Variants in GPC5 observed in about 807,000 individuals in gnomAD.
GPC5 encodes the protein glypican-5.
GPC5 carries 47 observed loss-of-function variants against 53.9 expected under a neutral mutation model. The observed-to-expected ratio is 0.87, with a 90% CI of 0.69 to 1.11. The LOEUF is 1.11. Among genes scored for constraint, GPC5 ranks in the 50% most tolerant of loss-of-function variants. The pLI, the probability that GPC5 is intolerant of heterozygous loss-of-function variation, is 0.00. For missense variants in GPC5, 748 were observed against 713.1 expected (o/e 1.05, Z -0.56); for synonymous variants, 286 against 263.3 (o/e 1.09, Z -0.84).
intron 6 of GPC5, among the ~76,000 whole-genome samples, chr13:91,913,928 G>C (rs544215248): frequency 6.6e-6 from 1 of 152,166 alleles, no homozygotes; most frequent in Non-Finnish European, 1.5e-5. Context: ...AGATGTTTGC[G>C]TCAGACTCAA....
chr13:92,082,917 G>A (rs569371669), intron 6 of GPC5, among the ~76,000 whole-genome samples: 2 of 152,068 alleles, frequency 1.3e-5, no homozygotes, highest in South Asian at 2.1e-4. Flanking sequence ...TGTCTACCTG[G>A]GATCATGAAA....
intron 6 of GPC5, among the ~76,000 whole-genome samples, chr13:92,016,317 T>C (rs2040706675): frequency 6.6e-6 from 1 of 152,242 alleles, no homozygotes; most frequent in African/African-American, 2.4e-5. Flanking sequence ...TACATTGTTT[T>C]ATGAAATGGG....
chr13:92,163,088 G>C (rs2042001997), intron 7 of GPC5, among the ~76,000 whole-genome samples: 1 of 152,126 alleles, frequency 6.6e-6, no homozygotes, highest in Non-Finnish European at 1.5e-5. Context: ...ATATGAATGA[G>C]TGAAGGAAAG....
intron 2 of GPC5, among the ~76,000 whole-genome samples, chr13:91,542,286 C>G (rs1038836849): frequency 6.6e-6 from 1 of 152,088 alleles, no homozygotes; most frequent in Non-Finnish European, 1.5e-5. Context: ...CTTCTCCTAT[C>G]TCACAAAGAA....
intron 6 of GPC5, among the ~76,000 whole-genome samples, chr13:92,110,189 A>C (rs2041546020): frequency 6.6e-6 from 1 of 152,166 alleles, no homozygotes; most frequent in East Asian, 1.9e-4. Flanking sequence ...TCTATCTTAC[A>C]TTCAGCACAC....
At chr13:92,488,329 G>A (rs960543837) in intron 7 of GPC5, among the ~76,000 whole-genome samples, 2 of 152,098 alleles carry the variant, frequency 1.3e-5, no homozygotes, top group African/African-American at 2.4e-5. Flanking sequence ...TCACTTTTCC[G>A]TGATGGAATG....
chr13:92,093,696 A>G (rs542267668), intron 6 of GPC5, among the ~76,000 whole-genome samples: 1 of 152,224 alleles, frequency 6.6e-6, no homozygotes, highest in Non-Finnish European at 1.5e-5. Flanking sequence ...GTTAATTCAG[A>G]TGAAACACAA....
chr13:92,558,901 C>T (rs1303473568), intron 7 of GPC5, among the ~76,000 whole-genome samples: 1 of 152,000 alleles, frequency 6.6e-6, no homozygotes, highest in East Asian at 1.9e-4. Flanking sequence ...GCTGTGAAGT[C>T]AGCATGGCGG....
chr13:91,941,649 C>G (rs79225429), intron 6 of GPC5, among the ~76,000 whole-genome samples: 3,214 of 152,130 alleles, frequency 0.021, 104 homozygotes, highest in African/African-American at 0.073. Flanking sequence ...TCAATTTGTG[C>G]AGAGGGATCA....
chr13:92,228,232 G>A (rs181703932), intron 7 of GPC5, among the ~76,000 whole-genome samples: 168 of 151,694 alleles, frequency 1.1e-3, no homozygotes, highest in African/African-American at 3.9e-3. Flanking sequence ...CAATGAACCC[G>A]TGTTGTTCAC....
chr13:92,779,984 A>G (rs1875959707), intron 7 of GPC5, among the ~76,000 whole-genome samples: 1 of 152,084 alleles, frequency 6.6e-6, no homozygotes, highest in Admixed American at 6.6e-5. Context: ...GAAAGTTAAG[A>G]CTGTGAACAG....
At chr13:92,277,483 T>G (rs1359429338) in intron 7 of GPC5, among the ~76,000 whole-genome samples, 1 of 152,078 alleles carries the variant, frequency 6.6e-6, no homozygotes, top group Non-Finnish European at 1.5e-5. Context: ...TGGAAGGTAA[T>G]ATTATACATC....
chr13:91,442,061 A>G (rs1235655836), intron 1 of GPC5, among the ~76,000 whole-genome samples: 1 of 152,236 alleles, frequency 6.6e-6, no homozygotes, highest in East Asian at 1.9e-4. Flanking sequence ...GTGTGTTATC[A>G]ACCAGCAATC....
intron 2 of GPC5, among the ~76,000 whole-genome samples, chr13:91,659,709 T>C (rs755782520): frequency 6.6e-6 from 1 of 152,188 alleles, no homozygotes; most frequent in South Asian, 2.1e-4. Flanking sequence ...AAGACTTAGG[T>C]AGTACTATAT....
At chr13:91,591,168 T>A (rs2032783201) in intron 2 of GPC5, among the ~76,000 whole-genome samples, 1 of 152,210 alleles carries the variant, frequency 6.6e-6, no homozygotes, top group Non-Finnish European at 1.5e-5. Context: ...ATTCTTCTAT[T>A]GCATCTAAGT....
chr13:91,981,585 G>A (rs1271182102), intron 6 of GPC5, among the ~76,000 whole-genome samples: 5 of 152,278 alleles, frequency 3.3e-5, no homozygotes, highest in East Asian at 3.9e-4. Flanking sequence ...CACCGCGCCC[G>A]ACCGTAAGAG....
At chr13:92,461,449 A>G (rs1297423099) in intron 7 of GPC5, among the ~76,000 whole-genome samples, 1 of 152,180 alleles carries the variant, frequency 6.6e-6, no homozygotes, top group Non-Finnish European at 1.5e-5. Context: ...ACAAATCAGG[A>G]AAAAGTAATA....
chr13:92,685,087 C>CTATTTATTTACT (rs111456519), intron 7 of GPC5, among the ~76,000 whole-genome samples: 1 of 150,520 alleles, frequency 6.6e-6, no homozygotes, highest in African/African-American at 2.4e-5. Context: ...TCCAGTAGTT[C>CTATTTATTTACT]TATTTATTTA....
At position 92,810,972 on chromosome 13, in the gene GPC5, G is replaced by A. The variant is rs544657771; in HGVS notation, c.1562-55310G>A. On this transcript the variant is annotated intron_variant, in intron 7 of 7. Coordinates refer to ENST00000377067, the MANE Select transcript of GPC5 (RefSeq NM_004466.6). Reference sequence around the variant, plus strand: ...CCTGACCTCATGATCTGCCTGATTCGGCCTCCCAAAGTGCTGGGATTGCAG... The same window carrying A: ...CCTGACCTCATGATCTGCCTGATTCAGCCTCCCAAAGTGCTGGGATTGCAG... Among the ~76,000 whole-genome samples the A allele has an allele frequency of 5.9e-5, 9 of 151,912 alleles. 1 individual carries two copies. Among genetic ancestry groups the A allele is most frequent in the South Asian group, 2.1e-4 (1 of 4,810 alleles).
Sources: gnomAD v4.1 joint callset for allele counts (sites outside exome capture counted in the v4.1 genomes callset) on GRCh38, gnomAD v4.1.1 for gene constraint, MANE v1.5 for transcripts, NCBI Gene and HGNC (gene_info 2026-07-23, HGNC 2026-07-21) for gene names.